Variants in IL1R1 observed in about 807,000 individuals in gnomAD.
The protein encoded by IL1R1 is interleukin-1 receptor type 1.
Under a neutral mutation model 50.2 loss-of-function variants are expected in IL1R1, and 22 were observed. The ratio of observed to expected loss-of-function variants is 0.44; its 90% confidence interval spans 0.31 to 0.63. IL1R1 has a LOEUF of 0.63. IL1R1 is among the 20% of genes least tolerant of loss of function. IL1R1 has a pLI of 0.07. For missense variants in IL1R1, 509 were observed against 676.2 expected (o/e 0.75, Z 2.74); for synonymous variants, 251 against 236.7 (o/e 1.06, Z -0.55).
intron 1 of IL1R1, among the ~76,000 whole-genome samples, chr2:102,098,280 A>T (rs1246596318): frequency 6.6e-6 from 1 of 152,178 alleles, no homozygotes; most frequent in Non-Finnish European, 1.5e-5. Context: ...GTCTACTAAA[A>T]ACCTAGAAGT....
chr2:102,094,628 A>G (rs1413640123), intron 1 of IL1R1, among the ~76,000 whole-genome samples: 1 of 152,184 alleles, frequency 6.6e-6, no homozygotes, highest in African/African-American at 2.4e-5. Context: ...ATGTCTTGAC[A>G]ATTAAGTTGT....
intron 6 of IL1R1, among the ~76,000 whole-genome samples, chr2:102,167,613 A>G (rs1685309034): frequency 6.6e-6 from 1 of 151,648 alleles, no homozygotes; most frequent in African/African-American, 2.4e-5. Flanking sequence ...ACGCCCGGCT[A>G]ATTTTTTTGT....
At chr2:102,176,332 A>G (rs777723870) in intron 11 of IL1R1, 21 bp from the exon 12 acceptor site, 2 of 1,607,274 alleles carry the variant, frequency 1.2e-6, no homozygotes, top group African/African-American at 2.7e-5. Flanking sequence ...TACTTACTAT[A>G]TTGTGCTTCC....
At chr2:102,169,411 T>TC (rs1386610334) in intron 7 of IL1R1, among the ~76,000 whole-genome samples, 1 of 152,260 alleles carries the variant, frequency 6.6e-6, no homozygotes, top group Non-Finnish European at 1.5e-5. Context: ...AATTAGTTCC[T>TC]CTGTCACATT....
intron 2 of IL1R1, among the ~76,000 whole-genome samples, chr2:102,155,903 T>C (rs1265016855): frequency 6.6e-6 from 1 of 152,164 alleles, no homozygotes; most frequent in Non-Finnish European, 1.5e-5. Context: ...CACAATTAAT[T>C]TGGAATTATT....
At chr2:102,071,734 G>A (rs1036088933) in intron 1 of IL1R1, among the ~76,000 whole-genome samples, 1 of 152,152 alleles carries the variant, frequency 6.6e-6, no homozygotes, top group South Asian at 2.1e-4. Flanking sequence ...TTTTGTAGTG[G>A]CACCAGGCTT....
chr2:102,096,767 A>G (rs1033545874), intron 1 of IL1R1, among the ~76,000 whole-genome samples: 1 of 151,690 alleles, frequency 6.6e-6, no homozygotes, highest in African/African-American at 2.4e-5. Context: ...TCTTTTTAAA[A>G]CTTTTAATTT....
chr2:102,128,690 T>C (rs1039968651), intron 1 of IL1R1, among the ~76,000 whole-genome samples: 14 of 152,204 alleles, frequency 9.2e-5, no homozygotes, highest in Non-Finnish European at 1.3e-4. Context: ...CTTCCTCTAG[T>C]TCTAAAGAGC....
chr2:102,168,318 G>T (rs964172871), intron 6 of IL1R1, among the ~76,000 whole-genome samples: 1 of 152,172 alleles, frequency 6.6e-6, no homozygotes, highest in Non-Finnish European at 1.5e-5. Flanking sequence ...AGAGGCATTT[G>T]TCTGGGGACC....
intron 7 of IL1R1, among the ~76,000 whole-genome samples, chr2:102,171,295 C>T (rs1410572173): frequency 2.0e-5 from 3 of 152,142 alleles, no homozygotes; most frequent in Non-Finnish European, 2.9e-5. Context: ...AGAGGGTAGA[C>T]TGACACAGCC....
chr2:102,074,233 C>T (rs12624110), intron 1 of IL1R1, among the ~76,000 whole-genome samples: 27,025 of 152,182 alleles, frequency 0.18, 2,826 homozygotes, highest in East Asian at 0.47. Flanking sequence ...CTTCTCTTTT[C>T]TCGTGGTTCT....
chr2:102,133,598 C>G (rs1682167013), intron 1 of IL1R1, among the ~76,000 whole-genome samples: 1 of 152,174 alleles, frequency 6.6e-6, no homozygotes, highest in African/African-American at 2.4e-5. Context: ...GTAAGATTGG[C>G]TTAGCATTGG....
At chr2:102,073,074 G>A (rs1401506694) in intron 1 of IL1R1, among the ~76,000 whole-genome samples, 2 of 152,150 alleles carry the variant, frequency 1.3e-5, no homozygotes, top group African/African-American at 4.8e-5. Context: ...CAGGCATTAT[G>A]TACTGGGGGA....
intron 1 of IL1R1, among the ~76,000 whole-genome samples, chr2:102,086,284 G>A (rs933940525): frequency 1.3e-5 from 2 of 152,012 alleles, no homozygotes; most frequent in Non-Finnish European, 2.9e-5. Flanking sequence ...TTTGGCCTCC[G>A]TACTTTCTCA....
chr2:102,149,198 C>T (rs746410415), intron 1 of IL1R1, among the ~76,000 whole-genome samples: 1 of 118,728 alleles, frequency 8.4e-6, no homozygotes, highest in Non-Finnish European at 1.9e-5. Context: ...CTCTCCATTA[C>T]ATCAGATCTA....
intron 2 of IL1R1, among the ~76,000 whole-genome samples, chr2:102,156,757 C>A: frequency 6.6e-6 from 1 of 152,160 alleles, no homozygotes; most frequent in East Asian, 1.9e-4. Context: ...AAGTGATCTG[C>A]CTGCCTTGGG....
At chr2:102,168,568 T>C in intron 6 of IL1R1, 30 bp from the exon 7 acceptor site, 2 of 1,582,984 alleles carry the variant, frequency 1.3e-6, no homozygotes, top group South Asian at 2.2e-5. Flanking sequence ...TATAAGAGAC[T>C]GACAAACCTT....
At chr2:102,079,716 C>T (rs554646753) in intron 1 of IL1R1, among the ~76,000 whole-genome samples, 1 of 152,156 alleles carries the variant, frequency 6.6e-6, no homozygotes, top group Non-Finnish European at 1.5e-5. Flanking sequence ...ATCCAAATTG[C>T]CTTTATTGCA....
intron 1 of IL1R1, among the ~76,000 whole-genome samples, chr2:102,092,816 C>T (rs144040748): frequency 1.2e-4 from 18 of 152,100 alleles, no homozygotes; most frequent in African/African-American, 3.9e-4. Flanking sequence ...GATGCTTTTC[C>T]GCTCTCTAGT....
Sources: allele counts gnomAD v4.1 joint callset (sites outside exome capture counted in the v4.1 genomes callset), GRCh38; gene constraint gnomAD v4.1.1; transcripts MANE v1.5; gene names NCBI Gene and HGNC (gene_info 2026-07-23, HGNC 2026-07-21).